CREB3L2: variants seen among roughly 807,000 people sequenced by gnomAD.
The protein encoded by CREB3L2 is cAMP responsive element binding protein 3 like 2.
CREB3L2 carries 23 observed loss-of-function variants against 57.2 expected under a neutral mutation model. That is an observed-to-expected ratio of 0.40 (90% confidence interval 0.29 to 0.57). CREB3L2 has a LOEUF of 0.57. Among genes scored for constraint, CREB3L2 ranks in the 20% least tolerant of loss-of-function variants. The probability of loss-of-function intolerance (pLI) is 0.42; values close to 1 mark genes in which losing one functional copy is unlikely to be tolerated. For missense variants in CREB3L2, 628 were observed against 634.7 expected (o/e 0.99, Z 0.11); for synonymous variants, 268 against 265.1 (o/e 1.01, Z -0.11).
intron 8 of CREB3L2, among the ~76,000 whole-genome samples, chr7:137,899,476 G>A (rs529029047): frequency 2.0e-5 from 3 of 152,338 alleles, no homozygotes; most frequent in East Asian, 3.9e-4. Context: ...AACGCCTATC[G>A]GCTCAGGATG....
rs149659524 is a variant in CREB3L2, at chr7:137,994,857, C to T, written c.102+6747G>A. On this transcript the variant is annotated intron_variant, in intron 1 of 11. Transcript: ENST00000330387. ...ACTGTTTTGCGCCCAGGGCAAATTA[C>T]TGTGAATTTTAAATTTTCTAGTTGC... is the stretch of plus-strand genomic sequence containing the variant. Among the ~76,000 whole-genome samples the T allele has an allele frequency of 1.5e-3, 224 of 152,302 alleles. 2 individuals carry two copies. Among genetic ancestry groups the T allele is most frequent in the African/African-American group, 5.0e-3 (209 of 41,564 alleles).
chr7:137,888,267 A>G (rs1229317785), intron 8 of CREB3L2, among the ~76,000 whole-genome samples: 1 of 149,488 alleles, frequency 6.7e-6, no homozygotes, highest in East Asian at 1.9e-4. Flanking sequence ...ACCCAGCACC[A>G]TTTTCTTTAA....
At position 137,876,673 on chromosome 7, in the gene CREB3L2, A is replaced by G. The variant is rs1799162897; in HGVS notation, c.*3803T>C. 1 of 232,562 alleles carries G rather than the reference A, an allele frequency of 4.3e-6. No individual in the cohort carries two copies. Among genetic ancestry groups the G allele is most frequent in the Non-Finnish European group, 8.5e-6 (1 of 117,776 alleles). The allele number at this position is 232,562 out of a possible 1,614,324, so 14.4% of individuals were successfully genotyped here. On this transcript the variant is annotated 3_prime_UTR_variant, in exon 12 of 12. Transcript: ENST00000330387. ...GGATAGTCTCACCTGAAGGTGGCCA[A>G]ATAAAATGACTCTCAAGAGGGCACT...
intron 1 of CREB3L2, among the ~76,000 whole-genome samples, chr7:137,985,998 A>T (rs1473979714): frequency 6.6e-6 from 1 of 152,138 alleles, no homozygotes; most frequent in Non-Finnish European, 1.5e-5. Context: ...CTCAGAAACT[A>T]TTGGAGAAAA....
intron 1 of CREB3L2, among the ~76,000 whole-genome samples, chr7:137,978,914 G>A (rs1266757863): frequency 6.6e-6 from 1 of 152,212 alleles, no homozygotes; most frequent in Non-Finnish European, 1.5e-5. Flanking sequence ...AGGGCCTAGA[G>A]AGTGGCCCCA....
chr7:137,928,022 G>T (rs990666512), intron 2 of CREB3L2, 128 bp downstream of exon 2: 7 of 769,938 alleles, frequency 9.1e-6, no homozygotes, highest in Admixed American at 2.6e-5. Flanking sequence ...GCACAAGGCC[G>T]TACACACTGT....
At chr7:137,940,457 T>C (rs981721738) in intron 1 of CREB3L2, among the ~76,000 whole-genome samples, 3 of 152,190 alleles carry the variant, frequency 2.0e-5, no homozygotes, top group Admixed American at 1.3e-4. Flanking sequence ...ACACTGGATA[T>C]CATCTGGCCT....
Position 137,928,331 on chromosome 7 carries a change from G to A in CREB3L2, c.138C>T (p.Asn46=), listed in dbSNP as rs143308760. 60 of 1,614,094 alleles carry A rather than the reference G, an allele frequency of 3.7e-5. No individual in the cohort carries two copies. In the African/African-American group the frequency reaches 3.9e-4, roughly 10 times the overall value. Residue 46 remains asparagine, a synonymous_variant, in exon 2 of 12, where the codon AAC becomes AAT. Transcript: ENST00000330387. ...FSELLDEFSQ[N]VLGQLLNDPF... ...GATCATTCAGGAGCTGACCCAAGAC[G>A]TTCTGGGAAAACTCATCCAGAAGTT...
chr7:137,929,989 G>A (rs1262505806), intron 1 of CREB3L2, among the ~76,000 whole-genome samples: 5 of 151,746 alleles, frequency 3.3e-5, no homozygotes, highest in Non-Finnish European at 5.9e-5. Context: ...CGCCTCCCAG[G>A]TTCCCGCCAT....
intron 1 of CREB3L2, among the ~76,000 whole-genome samples, chr7:137,949,494 G>C (rs879544995): frequency 2.4e-4 from 36 of 152,152 alleles, no homozygotes; most frequent in Non-Finnish European, 5.0e-4. Context: ...AGATCCTTCT[G>C]TGCAAGTTAC....
At chr7:137,947,256 A>G (rs1801014937) in intron 1 of CREB3L2, among the ~76,000 whole-genome samples, 2 of 151,728 alleles carry the variant, frequency 1.3e-5, no homozygotes, top group South Asian at 4.1e-4. Flanking sequence ...ACATTTCTGC[A>G]CCCAGCTGTG....
intron 8 of CREB3L2, among the ~76,000 whole-genome samples, chr7:137,899,107 AGG>A (rs879631080): frequency 0.2 from 8,790 of 44,042 alleles, 355 homozygotes; most frequent in East Asian, 0.3. Flanking sequence ...GAAGGAAGGA[AGG>A]AAGGAAGGAA....
At chr7:137,955,399 C>T (rs906882178) in intron 1 of CREB3L2, 1 of 850,268 alleles carries the variant, frequency 1.2e-6, no homozygotes, top group African/African-American at 1.7e-5. Context: ...TTCAGCACGG[C>T]CACCTCACTC....
At position 137,875,475 on chromosome 7, in the gene CREB3L2, T is replaced by G; in HGVS notation, c.*5001A>C. 4.5e-6 allele frequency: 1 copy of G among 223,222 alleles called. No homozygotes were observed. Among genetic ancestry groups the G allele is most frequent in the Non-Finnish European group, 9.0e-6 (1 of 111,678 alleles). The allele number at this position is 223,222 out of a possible 1,614,324, so 13.8% of individuals were successfully genotyped here. On this transcript the variant is annotated 3_prime_UTR_variant, in exon 12 of 12. Coordinates refer to ENST00000330387, the MANE Select transcript of CREB3L2 (RefSeq NM_194071.4). The stretch of plus-strand genomic sequence containing the variant: ...GAGCAGAGAACAGAGCTAAAACCCC[T>G]GGTTTTCCTTTCCCCAGATGTAAAG...
chr7:137,951,116 A>G (rs1801084367), intron 1 of CREB3L2, among the ~76,000 whole-genome samples: 1 of 152,230 alleles, frequency 6.6e-6, no homozygotes. Context: ...TGTAGCTCTC[A>G]GGCTATTACG....
Position 138,001,600 on chromosome 7 carries a change from T to C in CREB3L2, c.102+4A>G. The C allele has an allele frequency of 6.2e-7, 1 of 1,609,824 alleles. No individual in the cohort carries two copies. The highest frequency in any genetic ancestry group is 8.5e-7 in the Non-Finnish European group (1 of 1,177,484). On this transcript the variant is annotated splice_donor_region_variant and intron_variant, in intron 1 of 11. Coordinates refer to ENST00000330387, the MANE Select transcript of CREB3L2 (RefSeq NM_194071.4). The surrounding 1 kb of genome is among the most constrained non-coding windows in gnomAD (Gnocchi z 4.2). Reference sequence around the variant, plus strand: ...CCCTCCTGCCCCGCCCGCCGGGTCCTCACCGTGTGGTACATGAGGGCCTCG... The same window carrying C: ...CCCTCCTGCCCCGCCCGCCGGGTCCCCACCGTGTGGTACATGAGGGCCTCG...
intron 1 of CREB3L2, among the ~76,000 whole-genome samples, chr7:137,964,192 T>C (rs1003954070): frequency 6.6e-6 from 1 of 152,190 alleles, no homozygotes; most frequent in African/African-American, 2.4e-5. Context: ...GGCAGGCACC[T>C]GCAATCCCAG....
chr7:137,883,833 T>G (rs1186838141), intron 10 of CREB3L2, among the ~76,000 whole-genome samples: 1 of 152,236 alleles, frequency 6.6e-6, no homozygotes, highest in African/African-American at 2.4e-5. Flanking sequence ...GGGGGACTAC[T>G]GTACTGCCTA....
At chr7:137,906,008 G>A (rs929715789) in intron 5 of CREB3L2, among the ~76,000 whole-genome samples, 160 bp from the exon 6 acceptor site, 1 of 152,176 alleles carries the variant, frequency 6.6e-6, no homozygotes. Flanking sequence ...GTATTTTGAA[G>A]GGCATGGGAA....
Sources: allele counts gnomAD v4.1 joint callset (sites outside exome capture counted in the v4.1 genomes callset), GRCh38; gene constraint gnomAD v4.1.1; non-coding constraint Gnocchi (gnomAD v3.1); transcripts MANE v1.5; gene names NCBI Gene and HGNC (gene_info 2026-07-23, HGNC 2026-07-21).